The following RRAS variants were observed in gnomAD, a reference collection of about 807,000 sequenced individuals.
RRAS encodes RAS related.
RRAS carries 18 observed loss-of-function variants against 23.3 expected under a neutral mutation model. That is an observed-to-expected ratio of 0.77 (90% CI 0.53 to 1.15). The LOEUF (loss-of-function observed/expected upper bound fraction) is 1.15. RRAS is among the 50% of genes most tolerant of loss of function. The pLI, the probability that RRAS is intolerant of heterozygous loss-of-function variation, is 0.00. For synonymous variants in RRAS, 133 were observed against 138.3 expected (o/e 0.96, Z 0.27); for missense variants, 291 against 317.1 (o/e 0.92, Z 0.62).
chr19:49,638,445 C>T (rs758100472), intron 1 of RRAS, among the ~76,000 whole-genome samples: 3 of 152,080 alleles, frequency 2.0e-5, no homozygotes, highest in Non-Finnish European at 2.9e-5. Context: ...GCTGGGAGGA[C>T]CTCCCTCAGG....
Position 49,635,835 on chromosome 19 carries a change from G to A in RRAS, c.471C>T (p.Ala157=). 6.3e-7 allele frequency: 1 copy of A among 1,592,420 alleles called. No individual in the cohort carries two copies. The highest frequency in any genetic ancestry group is 1.1e-5 in the South Asian group (1 of 89,682). ...ESQRQVPRSE[A]SAFGASHHVA... Reference sequence around the variant, plus strand: ...CGTGGTGGGAGGCGCCGAAGGCAGAGGCTTCTGATCGGGGGACCTGGGGGT... The same window carrying A: ...CGTGGTGGGAGGCGCCGAAGGCAGAAGCTTCTGATCGGGGGACCTGGGGGT... The change falls in exon 5 of 6, where the codon GCC becomes GCT. Residue 157 remains alanine, a synonymous_variant. Coordinates refer to ENST00000246792, the MANE Select transcript of RRAS (RefSeq NM_006270.5).
intron 4 of RRAS, 99 bp from the exon 5 acceptor site, chr19:49,635,951 C>T (rs1169407560): frequency 1.7e-5 from 10 of 583,252 alleles, no homozygotes; most frequent in Non-Finnish European, 2.4e-5. Context: ...GGAGAGGTGA[C>T]CCACTGTGAG....
rs1482812198 is a variant in RRAS, at chr19:49,636,817, CT to C, written c.344+6del. ...CCCACTGCTCCGCCACCAGCAACCC[CT>C]GTCACCTCTGCCGGTCGTTAATGGC... On this transcript the variant is annotated splice_donor_region_variant and intron_variant, in intron 3 of 5. Coordinates refer to ENST00000246792, the MANE Select transcript of RRAS (RefSeq NM_006270.5). This position sits in a 1 kb window ranked among gnomAD's most constrained non-coding sequence, Gnocchi z 4.5. 1.9e-6 allele frequency: 3 copies of C among 1,612,376 alleles called. No homozygotes were observed. The highest frequency in any genetic ancestry group is 2.5e-6 in the Non-Finnish European group (3 of 1,179,318).
intron 1 of RRAS, 152 bp downstream of exon 1, chr19:49,639,794 T>G: frequency 1.3e-5 from 8 of 622,096 alleles, no homozygotes; most frequent in South Asian, 2.2e-5. Flanking sequence ...TCTCCAAGAG[T>G]TTAGGTTACA....
intron 1 of RRAS, among the ~76,000 whole-genome samples, chr19:49,639,703 G>C (rs536933532): frequency 8.1e-4 from 124 of 152,188 alleles, no homozygotes; most frequent in African/African-American, 2.7e-3. Context: ...GGTAAGCGGG[G>C]TCTTAGGCAC....
chr19:49,635,350 CG>C lies in RRAS; in HGVS notation c.*225del, dbSNP rs905550406. 19 of 372,480 alleles carry C rather than the reference CG, an allele frequency of 5.1e-5. No homozygotes were observed. The Admixed American group carries it at 7.8e-4, about 15-fold the overall frequency. 23.1% of individuals were successfully genotyped at this position (372,480 alleles called of 1,614,324 possible). On this transcript the variant is annotated 3_prime_UTR_variant, in exon 6 of 6. Coordinates refer to ENST00000246792, the MANE Select transcript of RRAS (RefSeq NM_006270.5). ...AGGGGAGTTATATACAGCAGTGACC[CG>C]GAGCCCCTCACCCCCACCAGGCTTA...
In RRAS at chr19:49,639,951, T is replaced by G. The variant is rs774659422; in HGVS notation, c.148A>C (p.Ile50Leu). ...CCCGGGTGAGGGCCCACTACCTGGA[T>G]GAACTGGATGGTCAGCGCGCTCTTG... ...VGKSALTIQF[I>L]QSYFVSDYDP... The change falls in exon 1 of 6, where the codon ATC becomes CTC. Residue 50 changes from isoleucine to leucine, a missense_variant. Physicochemically the swap from Ile to Leu is conservative, Grantham distance 5 (BLOSUM62 2). Transcript: ENST00000246792. 1.3e-6 allele frequency: 2 copies of G among 1,588,752 alleles called. No individual in the cohort carries two copies. The highest frequency in any genetic ancestry group is 2.3e-5 in the East Asian group (1 of 42,916).
At position 49,640,083 on chromosome 19, in the gene RRAS, C is replaced by G; in HGVS notation, c.16G>C (p.Ala6Pro). 7.1e-7 allele frequency: 1 copy of G among 1,403,026 alleles called. No homozygotes were observed. Among genetic ancestry groups the G allele is most frequent in the Non-Finnish European group, 9.2e-7 (1 of 1,091,702 alleles). The allele number at this position is 1,403,026 out of a possible 1,614,324, so 86.9% of individuals were successfully genotyped here. Residue 6 changes from alanine to proline, a missense_variant, in exon 1 of 6, where the codon GCG (alanine) becomes CCG (proline). Coordinates refer to ENST00000246792, the MANE Select transcript of RRAS (RefSeq NM_006270.5). MSSGAASGTGRGRPRG... is the reference protein window; with the variant it reads MSSGAPSGTGRGRPRG... The stretch of plus-strand genomic sequence containing the variant: ...GGCCGCCCCCGCCCTGTCCCGGACG[C>G]CGCCCCGCTGCTCATGTCGCCACCG...
intron 1 of RRAS, among the ~76,000 whole-genome samples, chr19:49,639,433 T>C (rs1209380582): frequency 1.2e-4 from 12 of 96,930 alleles, no homozygotes; most frequent in African/African-American, 5.1e-4. Flanking sequence ...AGTGAGACTC[T>C]GTCTCAAAAA....
rs199924228 is a variant in RRAS, at chr19:49,635,790, C to G, written c.516G>C (p.Ser172=). The G allele has an allele frequency of 5.4e-5, 85 of 1,586,154 alleles. No individual in the cohort carries two copies. In the Middle Eastern group the frequency reaches 8.5e-4, roughly 16 times the overall value. The change falls in exon 5 of 6, where the codon TCG becomes TCC. Residue 172 remains serine (S), a synonymous_variant. Coordinates refer to ENST00000246792, the MANE Select transcript of RRAS (RefSeq NM_006270.5). ...ASHHVAYFEA[S]AKLRLNVDEA... ...CGTCCACGTTGAGACGCAGTTTGGC[C>G]GAGGCCTCAAAGTAGGCCACGTGGT...
At chr19:49,637,404 T>C (rs1448499299) in intron 1 of RRAS, among the ~76,000 whole-genome samples, 3 of 151,282 alleles carry the variant, frequency 2.0e-5, no homozygotes, top group African/African-American at 7.3e-5. Context: ...CCTCCTGGGT[T>C]CAAGAGATTC....
chr19:49,639,912 C>T (rs1303991137), intron 1 of RRAS, 34 bp downstream of exon 1: 1 of 1,550,094 alleles, frequency 6.5e-7, no homozygotes, highest in Non-Finnish European at 8.7e-7. Flanking sequence ...GTTCTGGGTC[C>T]CGGGGGACAC....
chr19:49,635,892 C>T (rs1262751185), intron 4 of RRAS, 40 bp from the exon 5 acceptor site: 8 of 1,084,210 alleles, frequency 7.4e-6, no homozygotes, highest in African/African-American at 1.6e-5. Flanking sequence ...GGTCCCTGCA[C>T]TCAGGGTGAC....
At chr19:49,637,292 T>G in intron 1 of RRAS, among the ~76,000 whole-genome samples, 162 bp from the exon 2 acceptor site, 1 of 137,664 alleles carries the variant, frequency 7.3e-6, no homozygotes, top group Non-Finnish European at 1.5e-5. Context: ...CCCGTCTGTC[T>G]CTCTGAGTCT....
Position 49,638,136 on chromosome 19 carries a change from C to T in RRAS, c.154-1006G>A, listed in dbSNP as rs954435039. On this transcript the variant is annotated intron_variant, in intron 1 of 5. Coordinates refer to ENST00000246792, the MANE Select transcript of RRAS (RefSeq NM_006270.5). ...CTTCTCCTGCTCAGGCGGCCTCCAG[C>T]GTCTCCTCCCAGGGGAAGGTCCCGG... Among the ~76,000 whole-genome samples, 6 of 152,302 alleles carry T rather than the reference C, an allele frequency of 3.9e-5. No individual in the cohort carries two copies. The East Asian group carries it at 1.2e-3, about 29-fold the overall frequency.
Position 49,635,418 on chromosome 19 carries a change from T to C in RRAS, c.*158A>G. ...GTTGGCAGAAGGCACACAGTGGCAGTAGCCCAGAAGAGGCCAGGAAGTAAG... is the reference window on the plus strand; with the variant it reads ...GTTGGCAGAAGGCACACAGTGGCAGCAGCCCAGAAGAGGCCAGGAAGTAAG... On this transcript the variant is annotated 3_prime_UTR_variant, in exon 6 of 6. Coordinates refer to ENST00000246792, the MANE Select transcript of RRAS (RefSeq NM_006270.5). The C allele has an allele frequency of 2.3e-6, 1 of 438,202 alleles. No individual in the cohort carries two copies. The highest frequency in any genetic ancestry group is 4.0e-5 in the Admixed American group (1 of 24,720). The allele number at this position is 438,202 out of a possible 1,614,324, so 27.1% of individuals were successfully genotyped here. A position where few individuals can be genotyped will look rare whatever the true frequency, so the allele number is the denominator to read the frequency against.
chr19:49,639,918 G>A (rs2122429297), intron 1 of RRAS, 28 bp downstream of exon 1: 8 of 1,557,684 alleles, frequency 5.1e-6, no homozygotes, highest in Non-Finnish European at 6.9e-6. Flanking sequence ...GGTCCCGGGG[G>A]ACACCCTCCC....
chr19:49,638,415 T>A (rs894018257), intron 1 of RRAS, among the ~76,000 whole-genome samples: 39 of 152,044 alleles, frequency 2.6e-4, no homozygotes, highest in African/African-American at 9.4e-4. Context: ...GCCAAGACAC[T>A]TTTCTAGGAT....
chr19:49,639,656 A>C (rs1236606568), intron 1 of RRAS, among the ~76,000 whole-genome samples: 2 of 151,742 alleles, frequency 1.3e-5, no homozygotes, highest in African/African-American at 4.8e-5. Flanking sequence ...TTTTGTATTT[A>C]GCATGCTCCC....
Sources: gnomAD v4.1 joint callset for allele counts (sites outside exome capture counted in the v4.1 genomes callset) on GRCh38, gnomAD v4.1.1 for gene constraint, Gnocchi (gnomAD v3.1) non-coding constraint, MANE v1.5 for transcripts, NCBI Gene and HGNC (gene_info 2026-07-23, HGNC 2026-07-21) for gene names.